FMNL2: variants seen among roughly 807,000 people sequenced by gnomAD.
FMNL2 encodes the protein formin-like protein 2.
FMNL2 carries 51 observed loss-of-function variants against 130.2 expected under a neutral mutation model. The ratio of observed to expected loss-of-function variants is 0.39; its 90% confidence interval spans 0.31 to 0.49. The LOEUF (loss-of-function observed/expected upper bound fraction) is 0.49, where lower values mean the gene tolerates loss of function less well. Ranked by LOEUF, FMNL2 falls within the 20% of genes least tolerant of loss-of-function variation. The pLI is 0.85. For missense variants in FMNL2, 977 were observed against 1,316.2 expected (o/e 0.74, Z 3.99); for synonymous variants, 465 against 467.1 (o/e 1.00, Z 0.06).
At chr2:152,379,006 A>T (rs1684318576) in intron 1 of FMNL2, among the ~76,000 whole-genome samples, 1 of 150,846 alleles carries the variant, frequency 6.6e-6, no homozygotes, top group Admixed American at 6.6e-5. Flanking sequence ...AAAAAAAAAA[A>T]AAAAAAGCCA....
rs1463186912 is a variant in FMNL2, at chr2:152,335,734, G to A, written c.117+14G>A. ...GCCATCGTGCTGGTAAGTGCGCGGC[G>A]GCGGTCGGGCGCGGGGACCCGGGGC... is the stretch of plus-strand genomic sequence containing the variant. On this transcript the variant is annotated intron_variant, in intron 1 of 25. Transcript: ENST00000288670. 1.3e-6 allele frequency: 2 copies of A among 1,554,214 alleles called. No individual in the cohort carries two copies. The highest frequency in any genetic ancestry group is 8.7e-7 in the Non-Finnish European group (1 of 1,151,924).
At chr2:152,527,298 C>A (rs1579885314) in intron 2 of FMNL2, among the ~76,000 whole-genome samples, 5 of 152,144 alleles carry the variant, frequency 3.3e-5, no homozygotes, top group Admixed American at 3.3e-4. Context: ...ACTTGATGGC[C>A]CCATTGTGTA....
rs1260536027 is a variant in FMNL2, at chr2:152,598,075, T to G, written c.877-9264T>G. ...TGCACTGATTAGATTTGTAGTGATT[T>G]AGGTGTGAGGAGAGCATGGGCTGAT... On this transcript the variant is annotated intron_variant, in intron 9 of 25. Coordinates refer to ENST00000288670, the MANE Select transcript of FMNL2 (RefSeq NM_052905.4). Among the ~76,000 whole-genome samples, 4 of 152,290 alleles carry G rather than the reference T, an allele frequency of 2.6e-5. No homozygotes were observed. The East Asian group carries it at 5.8e-4, about 22-fold the overall frequency.
chr2:152,640,981 C>T (rs1161055129), intron 25 of FMNL2, 67 bp downstream of exon 25: 1 of 1,591,764 alleles, frequency 6.3e-7, no homozygotes, highest in African/African-American at 1.4e-5. Context: ...GGGATGCATG[C>T]AGATTTTGCA....
At chr2:152,589,422 A>G (rs1580031461) in intron 9 of FMNL2, among the ~76,000 whole-genome samples, 1 of 152,308 alleles carries the variant, frequency 6.6e-6, no homozygotes, top group East Asian at 1.9e-4. Context: ...TTTGCCAACT[A>G]TAAAAGTTGG....
chr2:152,509,987 G>A (rs1015096625), intron 1 of FMNL2, among the ~76,000 whole-genome samples: 12 of 151,970 alleles, frequency 7.9e-5, no homozygotes, highest in African/African-American at 2.7e-4. Context: ...GGGCCCAAAT[G>A]ATCCTCCCAC....
chr2:152,500,907 C>T (rs1691790185), intron 1 of FMNL2, among the ~76,000 whole-genome samples: 1 of 152,184 alleles, frequency 6.6e-6, no homozygotes, highest in Non-Finnish European at 1.5e-5. Flanking sequence ...GTAAAATCTG[C>T]CTGGATTTGA....
intron 12 of FMNL2, among the ~76,000 whole-genome samples, chr2:152,616,327 G>GTTTTTTTTTTTTTTTTTTTTTTTTTGGT (rs36107333): frequency 9.1e-6 from 1 of 110,056 alleles, no homozygotes; most frequent in Non-Finnish European, 1.8e-5. Flanking sequence ...ATTTTTGTGG[G>GTTTTTTTTTTTTTTTTTTTTTTTTTGGT]TTTTTTTTTT....
chr2:152,581,939 C>T (rs1269911118), intron 9 of FMNL2, among the ~76,000 whole-genome samples: 1 of 152,174 alleles, frequency 6.6e-6, no homozygotes, highest in Non-Finnish European at 1.5e-5. Flanking sequence ...TGTTTTCTCT[C>T]CTCTTTCCTG....
chr2:152,596,702 G>A (rs1327502614), intron 9 of FMNL2, among the ~76,000 whole-genome samples: 2 of 152,200 alleles, frequency 1.3e-5, no homozygotes, highest in East Asian at 3.9e-4. Context: ...GTAGAAGATA[G>A]CTGCATTCTT....
At chr2:152,421,056 T>C (rs1056457995) in intron 1 of FMNL2, among the ~76,000 whole-genome samples, 1 of 152,160 alleles carries the variant, frequency 6.6e-6, no homozygotes, top group Non-Finnish European at 1.5e-5. Context: ...TGTGTAAGCA[T>C]TGTTATTAGT....
Position 152,573,404 on chromosome 2 carries a change from TGA to T in FMNL2, c.597-1731_597-1730del, listed in dbSNP as rs1303400944. On this transcript the variant is annotated intron_variant, in intron 6 of 25. Transcript: ENST00000288670. ...TTCACATGATCACCCAGCAGATTGT[TGA>T]TGAGTCAGGTTGATGATGAGCAACT... Among the ~76,000 whole-genome samples, 17 of 152,338 alleles carry T rather than the reference TGA, an allele frequency of 1.1e-4. No homozygotes were observed. The East Asian group carries it at 3.1e-3, about 28-fold the overall frequency.
chr2:152,485,303 C>T (rs1055390880), intron 1 of FMNL2, among the ~76,000 whole-genome samples: 35 of 152,166 alleles, frequency 2.3e-4, no homozygotes, highest in Non-Finnish European at 3.1e-4. Flanking sequence ...CCATCCTGGC[C>T]AACATGATGA....
intron 9 of FMNL2, among the ~76,000 whole-genome samples, chr2:152,600,290 G>A (rs949817359): frequency 3.9e-5 from 6 of 152,164 alleles, no homozygotes; most frequent in African/African-American, 1.4e-4. Context: ...AAGTATTGAG[G>A]CAGGCGCCAG....
intron 1 of FMNL2, among the ~76,000 whole-genome samples, chr2:152,407,047 C>T (rs961744645): frequency 1.3e-5 from 2 of 152,106 alleles, no homozygotes; most frequent in African/African-American, 4.8e-5. Flanking sequence ...TATTATTTTC[C>T]ATACTGGGTT....
intron 1 of FMNL2, among the ~76,000 whole-genome samples, chr2:152,505,540 T>C (rs1393078137): frequency 6.6e-6 from 1 of 152,246 alleles, no homozygotes; most frequent in Non-Finnish European, 1.5e-5. Flanking sequence ...ATTACTTGGC[T>C]TATTATTACA....
chr2:152,596,222 C>T (rs909016033), intron 9 of FMNL2, among the ~76,000 whole-genome samples: 2 of 152,070 alleles, frequency 1.3e-5, no homozygotes, highest in African/African-American at 2.4e-5. Context: ...CTCGGCCTCC[C>T]GCAGTGCTGA....
At chr2:152,365,290 G>A (rs1683450660) in intron 1 of FMNL2, among the ~76,000 whole-genome samples, 2 of 152,156 alleles carry the variant, frequency 1.3e-5, no homozygotes, top group Non-Finnish European at 2.9e-5. Context: ...GTTTTGGGAG[G>A]AAGTCATTCT....
chr2:152,485,833 GA>G (rs1690797544), intron 1 of FMNL2, among the ~76,000 whole-genome samples: 1 of 152,162 alleles, frequency 6.6e-6, no homozygotes, highest in Non-Finnish European at 1.5e-5. Flanking sequence ...TACAGGTAAA[GA>G]ATAGTTTGAA....
Sources: allele counts gnomAD v4.1 joint callset (sites outside exome capture counted in the v4.1 genomes callset), GRCh38; gene constraint gnomAD v4.1.1; transcripts MANE v1.5; gene names NCBI Gene and HGNC (gene_info 2026-07-23, HGNC 2026-07-21).